Variants in MAGI2 observed in about 807,000 individuals in gnomAD.
MAGI2 encodes membrane-associated guanylate kinase, WW and PDZ domain-containing protein 2.
In MAGI2, 35 loss-of-function variants were observed where a neutral mutation model predicts 133.3. That is an observed-to-expected ratio of 0.26 (90% confidence interval 0.20 to 0.35). The LOEUF (loss-of-function observed/expected upper bound fraction) is 0.35. Ranked by LOEUF, MAGI2 falls within the 10% of genes least tolerant of loss-of-function variation. The pLI is 1.00. For synonymous variants in MAGI2, 729 were observed against 710.6 expected (o/e 1.03, Z -0.41); for missense variants, 1,636 against 1,863.4 (o/e 0.88, Z 2.25).
intron 6 of MAGI2, among the ~76,000 whole-genome samples, chr7:78,384,281 T>C (rs570873988): frequency 1.3e-5 from 2 of 152,300 alleles, no homozygotes; most frequent in Admixed American, 1.3e-4. Context: ...GATAACCTAC[T>C]ATGAGCTAAG....
At chr7:79,383,899 A>T (rs916604094) in intron 1 of MAGI2, among the ~76,000 whole-genome samples, 1 of 151,550 alleles carries the variant, frequency 6.6e-6, no homozygotes, top group Non-Finnish European at 1.5e-5. Context: ...GATAAGAATA[A>T]GGCAAGAGTA....
intron 1 of MAGI2, among the ~76,000 whole-genome samples, chr7:79,399,924 A>G (rs1280022750): frequency 2.6e-5 from 4 of 152,190 alleles, no homozygotes; most frequent in African/African-American, 9.6e-5. Context: ...TGTTCCATCT[A>G]TTTACATATT....
At chr7:78,899,861 A>G (rs1199619462) in intron 2 of MAGI2, among the ~76,000 whole-genome samples, 2 of 152,194 alleles carry the variant, frequency 1.3e-5, no homozygotes, top group East Asian at 3.8e-4. Flanking sequence ...ACATACAGGA[A>G]AAACATGTTT....
intron 1 of MAGI2, among the ~76,000 whole-genome samples, chr7:79,336,524 C>T (rs1221185103): frequency 6.6e-6 from 1 of 151,996 alleles, no homozygotes; most frequent in African/African-American, 2.4e-5. Flanking sequence ...TTATGCAGTA[C>T]AGTATTTCAT....
chr7:78,042,007 T>A (rs985565196), intron 21 of MAGI2, among the ~76,000 whole-genome samples: 8 of 152,206 alleles, frequency 5.3e-5, no homozygotes, highest in Admixed American at 3.9e-4. Context: ...CCCTTCACTG[T>A]GGTCCACTTT....
chr7:78,246,510 C>G (rs699333), intron 10 of MAGI2, among the ~76,000 whole-genome samples: 140,095 of 152,200 alleles, frequency 0.92, 64,643 homozygotes, highest in African/African-American at 0.98. Flanking sequence ...CTAGTACCCT[C>G]CTTCCCTGGA....
At chr7:78,920,292 A>C (rs1799128683) in intron 2 of MAGI2, among the ~76,000 whole-genome samples, 1 of 152,166 alleles carries the variant, frequency 6.6e-6, no homozygotes, top group African/African-American at 2.4e-5. Context: ...AATGAGAAAA[A>C]TAATAACAGA....
chr7:78,706,308 T>C (rs1818638349), intron 2 of MAGI2, among the ~76,000 whole-genome samples: 3 of 152,086 alleles, frequency 2.0e-5, no homozygotes, highest in African/African-American at 7.2e-5. Context: ...CAGGGGTTTC[T>C]GTTTTTGCTT....
intron 3 of MAGI2, among the ~76,000 whole-genome samples, chr7:78,569,318 T>A (rs984902183): frequency 5.9e-5 from 9 of 152,222 alleles, no homozygotes; most frequent in African/African-American, 2.2e-4. Context: ...TCTGAGGGCA[T>A]AGTACATGGT....
chr7:79,109,062 T>G (rs1818690849), intron 1 of MAGI2, among the ~76,000 whole-genome samples: 1 of 152,186 alleles, frequency 6.6e-6, no homozygotes, highest in South Asian at 2.1e-4. Context: ...GCCTCTTCTC[T>G]TTATAGACTA....
chr7:78,269,040 G>A (rs145716816), intron 9 of MAGI2, among the ~76,000 whole-genome samples: 6 of 152,158 alleles, frequency 3.9e-5, no homozygotes, highest in Admixed American at 6.6e-5. Context: ...GTGGTGTTTC[G>A]TTTTCTGTTC....
In MAGI2 at chr7:78,858,994, G is replaced by A. The variant is rs142591622; in HGVS notation, c.418+148096C>T. Among the ~76,000 whole-genome samples the A allele has an allele frequency of 8.5e-3, 1,291 of 152,024 alleles. 18 individuals carry two copies. The highest frequency in any genetic ancestry group is 0.011 in the Non-Finnish European group (728 of 67,970). On this transcript the variant is annotated intron_variant, in intron 2 of 21. Coordinates refer to ENST00000354212, the MANE Select transcript of MAGI2 (RefSeq NM_012301.4). ...TTGATCCCTTTACCATTATGTAATGGCCTTATTTGTCTCTTTTGATCTTTG... is the reference window on the plus strand; with the variant it reads ...TTGATCCCTTTACCATTATGTAATGACCTTATTTGTCTCTTTTGATCTTTG...
At chr7:79,077,901 C>G (rs760777206) in intron 1 of MAGI2, among the ~76,000 whole-genome samples, 3 of 151,862 alleles carry the variant, frequency 2.0e-5, no homozygotes, top group Non-Finnish European at 4.4e-5. Flanking sequence ...ATGTGAACGT[C>G]ATTGCATATA....
At chr7:78,674,387 C>A (rs1449197582) in intron 2 of MAGI2, among the ~76,000 whole-genome samples, 1 of 151,968 alleles carries the variant, frequency 6.6e-6, no homozygotes, top group African/African-American at 2.4e-5. Flanking sequence ...ATACTTATGG[C>A]ATGCCTATTA....
intron 21 of MAGI2, among the ~76,000 whole-genome samples, chr7:78,070,208 T>C (rs77661159): frequency 0.25 from 11,898 of 48,272 alleles, 815 homozygotes; most frequent in Non-Finnish European, 0.27. Context: ...TATATATATA[T>C]ATATATATAT....
chr7:78,898,636 C>T (rs556077224), intron 2 of MAGI2, among the ~76,000 whole-genome samples: 2 of 152,038 alleles, frequency 1.3e-5, no homozygotes, highest in Non-Finnish European at 2.9e-5. Context: ...GGGAACAACA[C>T]ACACTAGGGC....
chr7:78,328,644 A>G (rs1219941594), intron 9 of MAGI2, among the ~76,000 whole-genome samples: 2 of 152,250 alleles, frequency 1.3e-5, no homozygotes, highest in Admixed American at 6.5e-5. Context: ...TCTGAAAAAA[A>G]TGCCAATGTT....
intron 1 of MAGI2, among the ~76,000 whole-genome samples, chr7:79,388,263 A>C (rs915718454): frequency 4.6e-5 from 7 of 151,934 alleles, no homozygotes; most frequent in Non-Finnish European, 7.4e-5. Context: ...TAAATACCTA[A>C]CTTTTCTATT....
chr7:79,369,452 C>T (rs1842927037), intron 1 of MAGI2, among the ~76,000 whole-genome samples: 1 of 152,170 alleles, frequency 6.6e-6, no homozygotes. Context: ...TGCATCTACA[C>T]ATTTGATGTC....
Sources: allele counts gnomAD v4.1 joint callset (sites outside exome capture counted in the v4.1 genomes callset), GRCh38; gene constraint gnomAD v4.1.1; transcripts MANE v1.5; gene names NCBI Gene and HGNC (gene_info 2026-07-23, HGNC 2026-07-21).